Variants in PUS7 observed in about 807,000 individuals in gnomAD.
The protein encoded by PUS7 is pseudouridylate synthase 7 homolog.
Under a neutral mutation model 79.8 loss-of-function variants are expected in PUS7, and 48 were observed. That is an observed-to-expected ratio of 0.60 (90% CI 0.48 to 0.76). The LOEUF is 0.76. Ranked by LOEUF, PUS7 falls within the 30% of genes least tolerant of loss-of-function variation. PUS7 has a pLI of 0.00. For missense variants in PUS7, 729 were observed against 797.6 expected (o/e 0.91, Z 1.04); for synonymous variants, 286 against 272.2 (o/e 1.05, Z -0.50).
intron 6 of PUS7, among the ~76,000 whole-genome samples, chr7:105,494,195 A>G (rs1824908604): frequency 6.6e-6 from 1 of 152,202 alleles, no homozygotes; most frequent in Non-Finnish European, 1.5e-5. Flanking sequence ...TTCAAAAGAG[A>G]AAGTTAATTT....
chr7:105,492,267 C>T (rs1824816398), intron 6 of PUS7, among the ~76,000 whole-genome samples: 1 of 151,414 alleles, frequency 6.6e-6, no homozygotes, highest in African/African-American at 2.4e-5. Flanking sequence ...GCCTGGGTGA[C>T]GTAGTAAGAC....
At chr7:105,482,754 G>A (rs1321577848) in intron 7 of PUS7, among the ~76,000 whole-genome samples, 9 of 152,162 alleles carry the variant, frequency 5.9e-5, no homozygotes, top group African/African-American at 1.9e-4. Context: ...ACTTTTTGTG[G>A]GGAGAGGGGT....
intron 4 of PUS7, among the ~76,000 whole-genome samples, chr7:105,505,574 G>A (rs886362460): frequency 3.9e-5 from 6 of 152,054 alleles, no homozygotes; most frequent in Admixed American, 2.6e-4. Flanking sequence ...AACATATGTC[G>A]CTGTTCATTT....
intron 8 of PUS7, among the ~76,000 whole-genome samples, chr7:105,481,802 C>T (rs1824332809): frequency 6.6e-6 from 1 of 151,570 alleles, no homozygotes; most frequent in Non-Finnish European, 1.5e-5. Flanking sequence ...GCGATCTCGG[C>T]TCACTGCAAG....
At chr7:105,480,535 G>C (rs1006605470) in intron 9 of PUS7, among the ~76,000 whole-genome samples, 1 of 152,172 alleles carries the variant, frequency 6.6e-6, no homozygotes, top group Non-Finnish European at 1.5e-5. Flanking sequence ...CCAGCAGTTT[G>C]GGAGGCTGAG....
intron 1 of PUS7, among the ~76,000 whole-genome samples, chr7:105,514,213 A>G (rs966384591): frequency 1.6e-5 from 2 of 128,940 alleles, no homozygotes; most frequent in Non-Finnish European, 3.3e-5. Context: ...CCTGGGTGAC[A>G]GAGCAAGACT....
intron 1 of PUS7, among the ~76,000 whole-genome samples, chr7:105,518,935 A>AT (rs1266790864): frequency 2.7e-5 from 4 of 150,668 alleles, no homozygotes; most frequent in Non-Finnish European, 5.9e-5. Flanking sequence ...CACCAGGCTA[A>AT]TTTTTTGTAT....
intron 7 of PUS7, among the ~76,000 whole-genome samples, chr7:105,488,992 C>G (rs1291235549): frequency 6.6e-6 from 1 of 151,752 alleles, no homozygotes; most frequent in African/African-American, 2.4e-5. Flanking sequence ...ACTAAAAATA[C>G]AAGAAATTAG....
intron 6 of PUS7, among the ~76,000 whole-genome samples, chr7:105,494,576 A>G (rs1406575193): frequency 6.6e-6 from 1 of 151,860 alleles, no homozygotes; most frequent in East Asian, 1.9e-4. Context: ...TGCCCAGCTA[A>G]TTTTTGTATT....
At chr7:105,511,531 G>A (rs1463398782) in intron 1 of PUS7, among the ~76,000 whole-genome samples, 1 of 151,760 alleles carries the variant, frequency 6.6e-6, no homozygotes, top group Admixed American at 6.6e-5. Flanking sequence ...GGAGGCTGAG[G>A]TGGGTGGATC....
chr7:105,514,545 A>G (rs1406926911), intron 1 of PUS7, among the ~76,000 whole-genome samples: 49 of 143,566 alleles, frequency 3.4e-4, no homozygotes, highest in East Asian at 1.4e-3. Flanking sequence ...CCGAGCTTGC[A>G]GTGAGCCGAG....
Position 105,506,009 on chromosome 7 carries a change from C to T in PUS7, c.531G>A (p.Gln177=). 6.2e-7 allele frequency: 1 copy of T among 1,613,986 alleles called. No individual in the cohort carries two copies. Among genetic ancestry groups the T allele is most frequent in the African/African-American group, 1.3e-5 (1 of 75,056 alleles). Residue 177 remains glutamine, a synonymous_variant, in exon 4 of 16, where the codon CAG becomes CAA. Coordinates refer to ENST00000469408, the MANE Select transcript of PUS7 (RefSeq NM_019042.5). ...TGAACAGCTGGAGCTCTTCCAATCG[C>T]TGCTTTTCTTCAGCTGTCAAAACTG... ...IFTVLTAEEK[Q]RLEELQLFKN...
chr7:105,505,255 G>A (rs1825409778), intron 4 of PUS7, among the ~76,000 whole-genome samples: 1 of 152,026 alleles, frequency 6.6e-6, no homozygotes, highest in African/African-American at 2.4e-5. Context: ...CGCCCACCTT[G>A]GCCTCCCAAA....
chr7:105,514,327 G>A (rs1361178141), intron 1 of PUS7, among the ~76,000 whole-genome samples: 1 of 151,690 alleles, frequency 6.6e-6, no homozygotes, highest in African/African-American at 2.4e-5. Context: ...AAAGCTGGCT[G>A]GGCACAGTGG....
chr7:105,459,243 C>G lies in PUS7; in HGVS notation c.1774G>C (p.Asp592His), dbSNP rs766976509. ...QNVSWEVVAYDDPKIPLFNTD... is the reference protein window; with the variant it reads ...QNVSWEVVAYHDPKIPLFNTD... ...TTGAAAAGTGGAATTTTGGGATCAT[C>G]ATATGCAACGACTTCCCTTCAAAAC... Residue 592 changes from aspartate (D) to histidine (H), a missense_variant, in exon 15 of 16, where the codon GAT (aspartate) becomes CAT (histidine). Physicochemically the swap from Asp to His is moderately conservative, Grantham distance 81. Coordinates refer to ENST00000469408, the MANE Select transcript of PUS7 (RefSeq NM_019042.5). 12 of 1,610,096 alleles carry G rather than the reference C, an allele frequency of 7.5e-6. No individual in the cohort carries two copies. The highest frequency in any genetic ancestry group is 1.7e-5 in the Admixed American group (1 of 59,818).
intron 1 of PUS7, among the ~76,000 whole-genome samples, chr7:105,511,699 T>G (rs556057524): frequency 6.6e-6 from 1 of 152,102 alleles, no homozygotes; most frequent in South Asian, 2.1e-4. Flanking sequence ...AGGTAGAGGT[T>G]GCACTGAGTC....
intron 9 of PUS7, among the ~76,000 whole-genome samples, chr7:105,480,659 C>G (rs1196225169): frequency 6.6e-6 from 1 of 151,762 alleles, no homozygotes; most frequent in Non-Finnish European, 1.5e-5. Flanking sequence ...GCCTGTAAAC[C>G]CAGCTACTCA....
In PUS7 at chr7:105,506,244, C is replaced by A; in HGVS notation, c.428G>T (p.Gly143Val). Reference sequence around the variant, plus strand: ...CAAATGGCTGATCCGTCCATCTTTTCCTATTTCATGAACAACGAAGTCGGA... The same window carrying A: ...CAAATGGCTGATCCGTCCATCTTTTACTATTTCATGAACAACGAAGTCGGA... Reference protein sequence around the residue: ...RYSDFVVHEIGKDGRISHLND... With the variant: ...RYSDFVVHEIVKDGRISHLND... The change falls in exon 3 of 16, where the codon GGA (glycine) becomes GTA (valine). Residue 143 changes from glycine (G) to valine (V), a missense_variant. By Grantham distance (109) the Gly-to-Val change is moderately radical (BLOSUM62 -3). Coordinates refer to ENST00000469408, the MANE Select transcript of PUS7 (RefSeq NM_019042.5). The A allele has an allele frequency of 6.2e-7, 1 of 1,613,170 alleles. No homozygotes were observed. Among genetic ancestry groups the A allele is most frequent in the East Asian group, 2.2e-5 (1 of 44,842 alleles).
At chr7:105,501,087 C>G (rs1825227428) in intron 5 of PUS7, among the ~76,000 whole-genome samples, 1 of 152,188 alleles carries the variant, frequency 6.6e-6, no homozygotes, top group African/African-American at 2.4e-5. Context: ...TAGATTATTT[C>G]CTCAGGCACA....
Sources: allele counts gnomAD v4.1 joint callset (sites outside exome capture counted in the v4.1 genomes callset), GRCh38; gene constraint gnomAD v4.1.1; transcripts MANE v1.5; gene names NCBI Gene and HGNC (gene_info 2026-07-23, HGNC 2026-07-21).